Variants in STAG1 observed in about 807,000 individuals in gnomAD.
STAG1 encodes STAG1 cohesin complex component.
STAG1 carries 26 observed loss-of-function variants against 170.9 expected under a neutral mutation model. The observed-to-expected ratio is 0.15, with a 90% confidence interval of 0.11 to 0.21. The LOEUF (loss-of-function observed/expected upper bound fraction) is 0.21. Ranked by LOEUF, STAG1 falls within the 10% of genes least tolerant of loss-of-function variation. The pLI, the probability that STAG1 is intolerant of heterozygous loss-of-function variation, is 1.00. For synonymous variants in STAG1, 514 were observed against 497.7 expected, an observed-to-expected ratio of 1.03 and a Z score of -0.44; for missense variants, 964 against 1,509.5, an observed-to-expected ratio of 0.64 and a Z score of 5.99.
At chr3:136,542,846 T>C (rs1935974193) in intron 5 of STAG1, among the ~76,000 whole-genome samples, 1 of 152,148 alleles carries the variant, frequency 6.6e-6, no homozygotes. Context: ...GAATGTACTA[T>C]TATTTCTGAG....
intron 22 of STAG1, among the ~76,000 whole-genome samples, chr3:136,384,372 C>T (rs1212044450): frequency 6.6e-6 from 1 of 151,688 alleles, no homozygotes; most frequent in East Asian, 1.9e-4. Context: ...ACTGCTTGAA[C>T]CTTGGAGGTG....
chr3:136,459,409 G>T (rs977640568), intron 13 of STAG1, among the ~76,000 whole-genome samples: 2 of 152,052 alleles, frequency 1.3e-5, no homozygotes, highest in African/African-American at 4.8e-5. Flanking sequence ...TGTAATAGGA[G>T]TAGTAGGGGA....
intron 22 of STAG1, among the ~76,000 whole-genome samples, chr3:136,380,103 T>A (rs1026825311): frequency 6.6e-6 from 1 of 152,174 alleles, no homozygotes; most frequent in East Asian, 1.9e-4. Flanking sequence ...ATTCCTATTT[T>A]ACAGACAAGA....
intron 15 of STAG1, among the ~76,000 whole-genome samples, chr3:136,442,155 G>A (rs1046017283): frequency 3.9e-5 from 6 of 152,132 alleles, no homozygotes; most frequent in South Asian, 2.1e-4. Context: ...CTGAGAATGC[G>A]CCACTGCACT....
intron 27 of STAG1, among the ~76,000 whole-genome samples, chr3:136,358,867 C>T (rs1232824743): frequency 6.6e-6 from 1 of 152,186 alleles, no homozygotes; most frequent in Non-Finnish European, 1.5e-5. Context: ...AACCACCACA[C>T]CCAGCCTGTA....
chr3:136,545,524 T>C (rs1936118971), intron 5 of STAG1, among the ~76,000 whole-genome samples: 1 of 152,122 alleles, frequency 6.6e-6, no homozygotes, highest in South Asian at 2.1e-4. Context: ...ACTAAACAAA[T>C]ATCAGTATAC....
chr3:136,571,283 T>C (rs1937257872), intron 4 of STAG1, among the ~76,000 whole-genome samples: 1 of 152,102 alleles, frequency 6.6e-6, no homozygotes, highest in Non-Finnish European at 1.5e-5. Context: ...ATATTAACAC[T>C]TTGGTCTGAG....
At chr3:136,633,345 T>A (rs1940408603) in intron 1 of STAG1, among the ~76,000 whole-genome samples, 1 of 151,728 alleles carries the variant, frequency 6.6e-6, no homozygotes, top group African/African-American at 2.4e-5. Flanking sequence ...AAGGGAGAAA[T>A]TAAGACATTC....
chr3:136,738,514 G>A (rs1057295076), intron 1 of STAG1, among the ~76,000 whole-genome samples: 24 of 152,186 alleles, frequency 1.6e-4, no homozygotes, highest in African/African-American at 5.3e-4. Flanking sequence ...AGCTGGACAC[G>A]GTGGCACGCG....
At chr3:136,673,492 A>G (rs969654617) in intron 1 of STAG1, among the ~76,000 whole-genome samples, 1 of 152,228 alleles carries the variant, frequency 6.6e-6, no homozygotes, top group East Asian at 1.9e-4. Flanking sequence ...GAAGGTTTAA[A>G]AAGTAAATTT....
chr3:136,427,079 A>T (rs2088150570), intron 16 of STAG1, among the ~76,000 whole-genome samples: 1 of 150,274 alleles, frequency 6.7e-6, no homozygotes, highest in African/African-American at 2.5e-5. Context: ...AAAAAAAAAA[A>T]TTAGTGGGAT....
intron 1 of STAG1, among the ~76,000 whole-genome samples, chr3:136,743,839 A>T (rs1402849808): frequency 6.6e-6 from 1 of 152,252 alleles, no homozygotes; most frequent in Non-Finnish European, 1.5e-5. Context: ...CTATCAAAAT[A>T]ATAGTAAATA....
chr3:136,508,350 A>G (rs1029606235), intron 7 of STAG1, among the ~76,000 whole-genome samples: 1 of 152,128 alleles, frequency 6.6e-6, no homozygotes, highest in African/African-American at 2.4e-5. Context: ...CTTAAGAGAA[A>G]AAATAGGTTT....
At chr3:136,589,992 A>G (rs1438195208) in intron 4 of STAG1, among the ~76,000 whole-genome samples, 1 of 151,986 alleles carries the variant, frequency 6.6e-6, no homozygotes, top group Non-Finnish European at 1.5e-5. Flanking sequence ...GCCTGGTGGC[A>G]CACACCTATA....
At chr3:136,673,110 T>C (rs773249035) in intron 1 of STAG1, among the ~76,000 whole-genome samples, 10 of 152,250 alleles carry the variant, frequency 6.6e-5, no homozygotes, top group Non-Finnish European at 1.3e-4. Flanking sequence ...TTCGTTTTAA[T>C]ATCAAAACAA....
In STAG1 at chr3:136,700,470, A is replaced by C. The variant is rs368854256; in HGVS notation, c.-84+51725T>G. 6.8e-5 allele frequency among the ~76,000 whole-genome samples: 10 copies of C among 147,544 alleles called. No individual in the cohort carries two copies. In the East Asian group the frequency reaches 2.0e-3, roughly 29 times the overall value. On this transcript the variant is annotated intron_variant, in intron 1 of 33. Transcript: ENST00000383202. ...ATTTCGCTCTTGTTGCCCAGGCTGGAGTACAATGGTGTGATCTCTGCTCAC... is the reference window on the plus strand; with the variant it reads ...ATTTCGCTCTTGTTGCCCAGGCTGGCGTACAATGGTGTGATCTCTGCTCAC...
intron 15 of STAG1, among the ~76,000 whole-genome samples, chr3:136,442,852 C>G (rs959325424): frequency 2.6e-5 from 4 of 152,048 alleles, no homozygotes; most frequent in African/African-American, 9.7e-5. Context: ...CAGTAAGATC[C>G]CTGTCTCCAC....
chr3:136,389,371 G>A (rs115498639), intron 22 of STAG1, among the ~76,000 whole-genome samples: 5,014 of 152,116 alleles, frequency 0.033, 103 homozygotes, highest in Non-Finnish European at 0.051. Context: ...GTGCAGTGGT[G>A]TGATCTCCGC....
At chr3:136,597,817 G>A (rs568592992) in intron 4 of STAG1, among the ~76,000 whole-genome samples, 2 of 150,720 alleles carry the variant, frequency 1.3e-5, no homozygotes, top group East Asian at 3.9e-4. Flanking sequence ...GTATTGGCTA[G>A]GTGTTCCAGT....
Sources: allele counts gnomAD v4.1 joint callset (sites outside exome capture counted in the v4.1 genomes callset), GRCh38; gene constraint gnomAD v4.1.1; transcripts MANE v1.5; gene names NCBI Gene and HGNC (gene_info 2026-07-23, HGNC 2026-07-21).